FAM151B: variants seen among roughly 807,000 people sequenced by gnomAD.
FAM151B encodes the protein protein FAM151B.
In FAM151B, 24 loss-of-function variants were observed where a neutral mutation model predicts 31.2. The observed-to-expected ratio is 0.77, with a 90% confidence interval of 0.56 to 1.08. The LOEUF is 1.08. Among genes scored for constraint, FAM151B ranks in the 50% least tolerant of loss-of-function variants. The pLI is 0.00. For missense variants in FAM151B, 293 were observed against 328.6 expected, an observed-to-expected ratio of 0.89 and a Z score of 0.84; for synonymous variants, 105 against 111.4, an observed-to-expected ratio of 0.94 and a Z score of 0.36.
chr5:80,489,813 A>G (rs1304478323), intron 1 of FAM151B, among the ~76,000 whole-genome samples: 2 of 151,982 alleles, frequency 1.3e-5, no homozygotes, highest in South Asian at 4.2e-4. Context: ...AGTCTCAACT[A>G]CTAAGGAGGC....
At chr5:80,515,022 C>G (rs1363282629) in intron 3 of FAM151B, among the ~76,000 whole-genome samples, 1 of 151,962 alleles carries the variant, frequency 6.6e-6, no homozygotes, top group East Asian at 1.9e-4. Context: ...GGTGGATCAC[C>G]TGAGGTTAGG....
chr5:80,489,937 AC>A lies in FAM151B; in HGVS notation c.25+1790del, dbSNP rs148068792. ...AAACTGTCTCAAAACAAAAACAAAA[AC>A]AAAAATTTCTTCTCATTACCGAGTT... On this transcript the variant is annotated intron_variant, in intron 1 of 5. Coordinates refer to ENST00000282226, the MANE Select transcript of FAM151B (RefSeq NM_205548.3). Among the ~76,000 whole-genome samples the A allele has an allele frequency of 9.1e-3, 1,388 of 151,914 alleles. 29 individuals carry two copies. Among genetic ancestry groups the A allele is most frequent in the African/African-American group, 0.032 (1,320 of 41,314 alleles).
rs150309234 is a variant in FAM151B at position 80,506,318 on chromosome 5, G to A, written c.151+4401G>A. On this transcript the variant is annotated intron_variant, in intron 2 of 5. Coordinates refer to ENST00000282226, the MANE Select transcript of FAM151B (RefSeq NM_205548.3). ...AAAATATGTAGCCCTAGTGATTATTGGTAGCTGTCTTAAAATCATGAGATG... is the reference window on the plus strand; with the variant it reads ...AAAATATGTAGCCCTAGTGATTATTAGTAGCTGTCTTAAAATCATGAGATG... 1.9e-3 allele frequency among the ~76,000 whole-genome samples: 286 copies of A among 152,182 alleles called. 2 individuals are homozygous for A. Among genetic ancestry groups the A allele is most frequent in the East Asian group, 0.018 (93 of 5,166 alleles).
intron 5 of FAM151B, among the ~76,000 whole-genome samples, chr5:80,537,526 C>G (rs1322002579): frequency 6.6e-6 from 1 of 152,198 alleles, no homozygotes; most frequent in Non-Finnish European, 1.5e-5. Flanking sequence ...CACAAAGGTA[C>G]TTTTATCCAT....
At chr5:80,540,813 G>C (rs891668028) in intron 5 of FAM151B, among the ~76,000 whole-genome samples, 1 of 152,136 alleles carries the variant, frequency 6.6e-6, no homozygotes, top group African/African-American at 2.4e-5. Flanking sequence ...ACTTTCCTCT[G>C]TTGTATTTCC....
chr5:80,530,987 TACG>T (rs1745217350), intron 5 of FAM151B, among the ~76,000 whole-genome samples: 1 of 152,102 alleles, frequency 6.6e-6, no homozygotes, highest in African/African-American at 2.4e-5. Context: ...CTTCAAACTA[TACG>T]ACAAGGCTGC....
rs892479140 is a variant in FAM151B at position 80,505,555 on chromosome 5, T to C, written c.151+3638T>C. 8.0e-5 allele frequency among the ~76,000 whole-genome samples: 12 copies of C among 150,246 alleles called. No individual in the cohort carries two copies. The East Asian group carries it at 8.0e-4, about 10-fold the overall frequency. On this transcript the variant is annotated intron_variant, in intron 2 of 5. Transcript: ENST00000282226. ...GACTGCAGGCACCCGCCATCACGCC[T>C]GGCTAATTTTTTGTATTTTTAGTAG...
intron 2 of FAM151B, among the ~76,000 whole-genome samples, chr5:80,508,394 G>A (rs991858413): frequency 6.6e-6 from 1 of 151,854 alleles, no homozygotes; most frequent in Admixed American, 6.6e-5. Flanking sequence ...TCCTAGCAGT[G>A]TGGATAAGGG....
chr5:80,507,118 C>CAAA (rs58200677), intron 2 of FAM151B, among the ~76,000 whole-genome samples: 1 of 112,346 alleles, frequency 8.9e-6, no homozygotes. Context: ...GACTCCATCT[C>CAAA]AAAAAAAAAA....
chr5:80,508,532 G>C (rs551535132), intron 2 of FAM151B, among the ~76,000 whole-genome samples: 7 of 149,016 alleles, frequency 4.7e-5, no homozygotes, highest in Admixed American at 6.7e-5. Flanking sequence ...GACTAATGCT[G>C]GTGAGCATCT....
chr5:80,494,455 CT>C (rs59791053), intron 1 of FAM151B, among the ~76,000 whole-genome samples: 68,216 of 100,128 alleles, frequency 0.68, 21,051 homozygotes, highest in Admixed American at 0.74. Context: ...TTCTTTCTTT[CT>C]TTTCTTTCTT....
At chr5:80,539,828 T>A (rs1182836740) in intron 5 of FAM151B, among the ~76,000 whole-genome samples, 1 of 151,866 alleles carries the variant, frequency 6.6e-6, no homozygotes, top group Non-Finnish European at 1.5e-5. Flanking sequence ...ATAGGAGTGA[T>A]TTACGATTAT....
At chr5:80,539,832 C>T (rs1022822081) in intron 5 of FAM151B, among the ~76,000 whole-genome samples, 3 of 151,308 alleles carry the variant, frequency 2.0e-5, no homozygotes, top group African/African-American at 4.9e-5. Context: ...GAGTGATTTA[C>T]GATTATTTTT....
intron 5 of FAM151B, among the ~76,000 whole-genome samples, chr5:80,534,818 A>G (rs180886713): frequency 2.6e-5 from 4 of 152,326 alleles, no homozygotes; most frequent in Admixed American, 2.6e-4. Context: ...AAGTCAAATT[A>G]TCCTTGTTTG....
At chr5:80,540,787 G>A (rs904420906) in intron 5 of FAM151B, among the ~76,000 whole-genome samples, 1 of 152,134 alleles carries the variant, frequency 6.6e-6, no homozygotes, top group Admixed American at 6.5e-5. Flanking sequence ...TACTGCTGTG[G>A]GGCAATATCC....
Position 80,541,757 on chromosome 5 carries a change from A to C in FAM151B, c.756A>C (p.Lys252Asn). The C allele has an allele frequency of 6.2e-7, 1 of 1,613,762 alleles. No individual in the cohort carries two copies. Among genetic ancestry groups the C allele is most frequent in the Non-Finnish European group, 8.5e-7 (1 of 1,179,794 alleles). ...LLYIRDHFDK[K>N]QVFYDILEPQ... Reference sequence around the variant, plus strand: ...ACATTAGAGACCATTTTGACAAAAAACAAGTTTTCTATGACATCTTGGAAC... The same window carrying C: ...ACATTAGAGACCATTTTGACAAAAACCAAGTTTTCTATGACATCTTGGAAC... The change falls in exon 6 of 6, where the codon AAA becomes AAC. Residue 252 changes from lysine (K) to asparagine (N), a missense_variant. Physicochemically the swap from Lys to Asn is moderately conservative, Grantham distance 94. Coordinates refer to ENST00000282226, the MANE Select transcript of FAM151B (RefSeq NM_205548.3).
intron 5 of FAM151B, among the ~76,000 whole-genome samples, chr5:80,538,432 C>A (rs1265813487): frequency 2.6e-4 from 15 of 58,792 alleles, no homozygotes; most frequent in Non-Finnish European, 9.4e-5. Context: ...TTCTTTCTTT[C>A]TTTCTTTCTT....
intron 5 of FAM151B, among the ~76,000 whole-genome samples, chr5:80,522,879 A>T (rs1392383942): frequency 3.3e-5 from 5 of 150,148 alleles, no homozygotes; most frequent in Non-Finnish European, 1.5e-5. Context: ...GATGTTAAAA[A>T]TTTTATTTTT....
intron 1 of FAM151B, among the ~76,000 whole-genome samples, chr5:80,489,048 A>T (rs1317783375): frequency 6.6e-6 from 1 of 152,210 alleles, no homozygotes; most frequent in Non-Finnish European, 1.5e-5. Flanking sequence ...CATAATTTTT[A>T]AAATCCTGCA....
Sources: gnomAD v4.1 joint callset for allele counts (sites outside exome capture counted in the v4.1 genomes callset) on GRCh38, gnomAD v4.1.1 for gene constraint, MANE v1.5 for transcripts, NCBI Gene and HGNC (gene_info 2026-07-23, HGNC 2026-07-21) for gene names.